PSMC6: variants seen among roughly 807,000 people sequenced by gnomAD.
PSMC6 encodes proteasome 26S subunit, ATPase 6.
Under a neutral mutation model 55.9 loss-of-function variants are expected in PSMC6, and 3 were observed. The observed-to-expected ratio is 0.05, with a 90% confidence interval of 0.02 to 0.14. The LOEUF (loss-of-function observed/expected upper bound fraction) is 0.14, where lower values mean the gene tolerates loss of function less well. Ranked by LOEUF, PSMC6 falls within the 10% of genes least tolerant of loss-of-function variation. The probability of loss-of-function intolerance (pLI) is 1.00; values close to 1 mark genes in which losing one functional copy is unlikely to be tolerated. For missense variants in PSMC6, 210 were observed against 478.7 expected, an observed-to-expected ratio of 0.44 and a Z score of 5.24; for synonymous variants, 137 against 155.9, an observed-to-expected ratio of 0.88 and a Z score of 0.90.
intron 13 of PSMC6, among the ~76,000 whole-genome samples, chr14:52,725,973 G>A (rs532110704): frequency 4.6e-5 from 7 of 152,258 alleles, no homozygotes; most frequent in South Asian, 4.1e-4. Context: ...CCATTCACCC[G>A]GTTTCTAGGA....
intron 13 of PSMC6, 110 bp downstream of exon 13, chr14:52,724,146 A>C (rs1880313157): frequency 1.0e-6 from 1 of 993,770 alleles, no homozygotes; most frequent in African/African-American, 1.7e-5. Context: ...ATTTGGGTTC[A>C]TGCTGTTCTT....
intron 7 of PSMC6, among the ~76,000 whole-genome samples, chr14:52,717,161 C>T (rs2041838541): frequency 6.6e-6 from 1 of 152,000 alleles, no homozygotes; most frequent in South Asian, 2.1e-4. Context: ...TAATGCTAAG[C>T]ATGTGAGGTG....
chr14:52,709,745 T>C (rs1358158732), intron 4 of PSMC6: 1 of 296,364 alleles, frequency 3.4e-6, no homozygotes, highest in Non-Finnish European at 6.6e-6. Context: ...GCTTTTTTTT[T>C]TTCAGGTTTT....
At position 52,720,222 on chromosome 14, in the gene PSMC6, CAAAAA is replaced by C. The variant is rs34123680; in HGVS notation, c.778-621_778-617del. On this transcript the variant is annotated intron_variant, in intron 10 of 13. Coordinates refer to ENST00000445930, the MANE Select transcript of PSMC6 (RefSeq NM_002806.5). ...GGGTGACAGAGCGAGAGTCTGTCTC[CAAAAA>C]AAAAAAAAAAAAAAAAAGCAGTCCC... Among the ~76,000 whole-genome samples the C allele has an allele frequency of 9.6e-4, 60 of 62,374 alleles. No homozygotes were observed. The East Asian group carries it at 0.024, about 25-fold the overall frequency. The allele number at this position is 62,374 out of a possible 152,430, so 40.9% of individuals were successfully genotyped here.
intron 4 of PSMC6, chr14:52,709,591 A>T: frequency 2.2e-6 from 1 of 456,128 alleles, no homozygotes; most frequent in Non-Finnish European, 4.4e-6. Context: ...GTGGATGCCG[A>T]AAGTTGGCAT....
At chr14:52,708,941 C>T in intron 4 of PSMC6, 125 bp downstream of exon 4, 2 of 1,378,898 alleles carry the variant, frequency 1.5e-6, no homozygotes, top group Non-Finnish European at 2.0e-6. Flanking sequence ...ATGATTTGTT[C>T]AGACATAGCT....
At chr14:52,727,017 G>GA (rs1394741568) in intron 13 of PSMC6, among the ~76,000 whole-genome samples, 3 of 88,518 alleles carry the variant, frequency 3.4e-5, no homozygotes, top group East Asian at 3.4e-4. Context: ...CACCGCTATG[G>GA]ATTTTTTTTT....
At chr14:52,711,625 A>T in intron 6 of PSMC6, 101 bp downstream of exon 6, 2 of 654,636 alleles carry the variant, frequency 3.1e-6, no homozygotes, top group Non-Finnish European at 5.0e-6. Context: ...TTTTTGTCTA[A>T]ATGGTAGTTA....
chr14:52,707,829 T>A (rs185156641), intron 1 of PSMC6, among the ~76,000 whole-genome samples: 5 of 152,106 alleles, frequency 3.3e-5, no homozygotes, highest in African/African-American at 1.2e-4. Flanking sequence ...AGTGCTTAAC[T>A]TTTTTTTCCA....
chr14:52,713,883 G>T lies in PSMC6; in HGVS notation c.444G>T (p.Val148=). The change falls in exon 7 of 14, where the codon GTG becomes GTT. Residue 148 remains valine (V), a splice_region_variant and synonymous_variant. Transcript: ENST00000445930. ...GAAAGATTTAACTTCTTTTCTAGGT[G>T]ATAGAATTACCTCTTACAAACCCAG... ...LSEQIRELRE[V]IELPLTNPEL... is the part of the protein sequence containing the mutation. 1 of 1,567,288 alleles carries T rather than the reference G, an allele frequency of 6.4e-7. No individual in the cohort carries two copies. The highest frequency in any genetic ancestry group is 8.7e-7 in the Non-Finnish European group (1 of 1,147,944).
At chr14:52,710,179 G>A (rs1244833010) in intron 4 of PSMC6, 1 of 152,548 alleles carries the variant, frequency 6.6e-6, no homozygotes, top group African/African-American at 2.4e-5. Flanking sequence ...TGTAATCCCA[G>A]CACTTTGGGA....
At chr14:52,718,489 TAATA>T (rs746239777) in intron 9 of PSMC6, 137 bp downstream of exon 9, 40 of 1,005,262 alleles carry the variant, frequency 4.0e-5, no homozygotes, top group Non-Finnish European at 5.3e-5. Context: ...TAACCAATTT[TAATA>T]AATAACCTTT....
chr14:52,726,870 G>A (rs1007978546), intron 13 of PSMC6, among the ~76,000 whole-genome samples: 2 of 152,030 alleles, frequency 1.3e-5, no homozygotes, highest in Non-Finnish European at 2.9e-5. Context: ...TCGAACTCCC[G>A]ACCCCAGGTA....
chr14:52,714,470 A>C (rs1391958889), intron 7 of PSMC6, among the ~76,000 whole-genome samples: 1 of 152,212 alleles, frequency 6.6e-6, no homozygotes. Flanking sequence ...CATTTATCTT[A>C]ACAGGCCATG....
In PSMC6 at chr14:52,719,046, T is replaced by C; in HGVS notation, c.777+8T>C. 1 of 1,602,176 alleles carries C rather than the reference T, an allele frequency of 6.2e-7. No homozygotes were observed. The highest frequency in any genetic ancestry group is 8.6e-7 in the Non-Finnish European group (1 of 1,169,518). ...CAGAGAACGTTAATGGAGGTAATAT[T>C]TGGTAAAGGGGGTTTATAAAGAAAC... is the stretch of plus-strand genomic sequence containing the variant. On this transcript the variant is annotated splice_region_variant and intron_variant, in intron 10 of 13. Coordinates refer to ENST00000445930, the MANE Select transcript of PSMC6 (RefSeq NM_002806.5).
At chr14:52,715,296 A>G (rs934846930) in intron 7 of PSMC6, among the ~76,000 whole-genome samples, 1 of 152,256 alleles carries the variant, frequency 6.6e-6, no homozygotes, top group African/African-American at 2.4e-5. Flanking sequence ...TGTCTTTAGG[A>G]AAAGCACTTG....
chr14:52,709,443 C>G (rs886508020), intron 4 of PSMC6: 2 of 322,178 alleles, frequency 6.2e-6, no homozygotes, highest in Admixed American at 4.6e-5. Context: ...CAGAACATGG[C>G]TGTAAGGGAG....
rs2041859752 is a variant in PSMC6 at position 52,718,911 on chromosome 14, T to C, written c.716-66T>C. The C allele has an allele frequency of 3.1e-6, 4 of 1,270,028 alleles. No individual in the cohort carries two copies. In the South Asian group the frequency reaches 4.9e-5, roughly 16 times the overall value. 78.7% of individuals were successfully genotyped at this position (1,270,028 alleles called of 1,614,324 possible). A position where few individuals can be genotyped will look rare whatever the true frequency, so the allele number is the denominator to read the frequency against. Reference sequence around the variant, plus strand: ...TTAAGCCACAGACTGTTATGTTCTGTTTTCTTAAATGATGGTTGTAGAGGA... The same window carrying C: ...TTAAGCCACAGACTGTTATGTTCTGCTTTCTTAAATGATGGTTGTAGAGGA... On this transcript the variant is annotated intron_variant, in intron 9 of 13. Coordinates refer to ENST00000445930, the MANE Select transcript of PSMC6 (RefSeq NM_002806.5).
chr14:52,722,719 C>T (rs1209454074), intron 12 of PSMC6: 2 of 152,170 alleles, frequency 1.3e-5, no homozygotes, highest in African/African-American at 4.8e-5. Flanking sequence ...TAAAACATGG[C>T]TTGTGAACCA....
Sources: gnomAD v4.1 joint callset for allele counts (sites outside exome capture counted in the v4.1 genomes callset) on GRCh38, gnomAD v4.1.1 for gene constraint, MANE v1.5 for transcripts, NCBI Gene and HGNC (gene_info 2026-07-23, HGNC 2026-07-21) for gene names.